FMN2: variants seen among roughly 807,000 people sequenced by gnomAD.
The protein encoded by FMN2 is formin-2.
In FMN2, 51 loss-of-function variants were observed where a neutral mutation model predicts 142.3. The observed-to-expected ratio is 0.36, with a 90% confidence interval of 0.29 to 0.45. The LOEUF (loss-of-function observed/expected upper bound fraction) is 0.45. Among genes scored for constraint, FMN2 ranks in the 20% least tolerant of loss-of-function variants. The probability of loss-of-function intolerance (pLI) is 1.00; values close to 1 mark genes in which losing one functional copy is unlikely to be tolerated. For missense variants in FMN2, 1,936 were observed against 2,122.8 expected, an observed-to-expected ratio of 0.91 and a Z score of 1.73; for synonymous variants, 882 against 869.8, an observed-to-expected ratio of 1.01 and a Z score of -0.25.
At chr1:240,290,305 C>T (rs1669735594) in intron 7 of FMN2, among the ~76,000 whole-genome samples, 2 of 152,092 alleles carry the variant, frequency 1.3e-5, no homozygotes, top group Admixed American at 6.6e-5. Context: ...CATGCTTTAA[C>T]AACAATGACA....
At chr1:240,424,353 C>T (rs1404511242) in intron 15 of FMN2, among the ~76,000 whole-genome samples, 3 of 152,120 alleles carry the variant, frequency 2.0e-5, no homozygotes, top group Non-Finnish European at 4.4e-5. Flanking sequence ...GAGATAGACT[C>T]TATAGATAAG....
chr1:240,442,157 C>G (rs1675643132), intron 16 of FMN2, among the ~76,000 whole-genome samples: 1 of 152,120 alleles, frequency 6.6e-6, no homozygotes, highest in East Asian at 1.9e-4. Context: ...CCTCTTCTTT[C>G]TCTCACCCTT....
chr1:240,471,024 TA>T (rs1676788783), intron 16 of FMN2, among the ~76,000 whole-genome samples: 1 of 152,208 alleles, frequency 6.6e-6, no homozygotes, highest in South Asian at 2.1e-4. Flanking sequence ...TGTGAGGGAA[TA>T]GGGAGGTTCA....
At chr1:240,148,387 C>G (rs542915888) in intron 2 of FMN2, among the ~76,000 whole-genome samples, 2 of 139,120 alleles carry the variant, frequency 1.4e-5, no homozygotes, top group Non-Finnish European at 3.1e-5. Flanking sequence ...GAGAGAAAGA[C>G]AGAGAGAAAG....
At chr1:240,241,827 T>TC in intron 6 of FMN2, among the ~76,000 whole-genome samples, 2 of 28,378 alleles carry the variant, frequency 7.0e-5, no homozygotes, top group Non-Finnish European at 1.5e-4. Context: ...GTGCCTTGCT[T>TC]TTTTTTTTTT....
intron 13 of FMN2, among the ~76,000 whole-genome samples, chr1:240,350,699 A>C (rs1017723836): frequency 6.6e-6 from 1 of 152,188 alleles, no homozygotes; most frequent in Non-Finnish European, 1.5e-5. Flanking sequence ...CAGTGCTTTG[A>C]TTCTATCCTA....
At chr1:240,336,582 A>AAAAAAAAAAAAAAAAAAAAAAAAG (rs144682452) in intron 13 of FMN2, among the ~76,000 whole-genome samples, 1 of 101,888 alleles carries the variant, frequency 9.8e-6, no homozygotes, top group Non-Finnish European at 2.0e-5. Flanking sequence ...AAAAAAAAAA[A>AAAAAAAAAAAAAAAAAAAAAAAAG]GGTGGTTGCA....
intron 2 of FMN2, among the ~76,000 whole-genome samples, chr1:240,150,100 G>A (rs893378180): frequency 1.3e-5 from 2 of 150,510 alleles, no homozygotes; most frequent in African/African-American, 4.8e-5. Flanking sequence ...AGATAAAACA[G>A]ATTTTTAATT....
At chr1:240,104,031 C>T (rs1049519544) in intron 1 of FMN2, among the ~76,000 whole-genome samples, 2 of 151,596 alleles carry the variant, frequency 1.3e-5, no homozygotes, top group Non-Finnish European at 2.9e-5. Context: ...CGCCCGCCAC[C>T]TCGCCTGGCT....
intron 2 of FMN2, among the ~76,000 whole-genome samples, chr1:240,127,618 T>C (rs1002896767): frequency 4.0e-5 from 6 of 151,660 alleles, no homozygotes; most frequent in African/African-American, 1.2e-4. Context: ...GCTGGAACTA[T>C]AGGCATGAGC....
intron 8 of FMN2, among the ~76,000 whole-genome samples, chr1:240,296,281 TA>T (rs1424125476): frequency 6.6e-6 from 1 of 151,334 alleles, no homozygotes; most frequent in African/African-American, 2.4e-5. Context: ...TAGTCAGTGC[TA>T]TTGGGAAGTG....
At chr1:240,374,278 A>G (rs1339983599) in intron 14 of FMN2, among the ~76,000 whole-genome samples, 1 of 152,166 alleles carries the variant, frequency 6.6e-6, no homozygotes, top group East Asian at 1.9e-4. Flanking sequence ...ATCAATCAGC[A>G]CTCACTTCAA....
chr1:240,300,819 G>A (rs1037417146), intron 8 of FMN2, among the ~76,000 whole-genome samples: 1 of 150,638 alleles, frequency 6.6e-6, no homozygotes, highest in Admixed American at 6.6e-5. Context: ...CTTCAGTTTA[G>A]TAATACTCTT....
At chr1:240,368,311 T>TGGGTAGAACTGACATCTTTATGATATCAA (rs1324046336) in intron 14 of FMN2, among the ~76,000 whole-genome samples, 4 of 152,210 alleles carry the variant, frequency 2.6e-5, no homozygotes, top group Non-Finnish European at 4.4e-5. Context: ...TAGATCAGAC[T>TGGGTAGAACTGACATCTTTATGATATCAA]GGGTAGAACT....
At chr1:240,196,073 G>T (rs1665899210) in intron 4 of FMN2, among the ~76,000 whole-genome samples, 1 of 152,236 alleles carries the variant, frequency 6.6e-6, no homozygotes, top group Non-Finnish European at 1.5e-5. Flanking sequence ...GGCAGAGTGA[G>T]TGATGGAGTC....
chr1:240,192,999 TTGAGA>T (rs1175490052), intron 4 of FMN2, among the ~76,000 whole-genome samples: 15 of 152,292 alleles, frequency 9.8e-5, no homozygotes, highest in South Asian at 4.1e-4. Flanking sequence ...CAGTTAGAAC[TTGAGA>T]TGAGAATGTG....
intron 15 of FMN2, among the ~76,000 whole-genome samples, chr1:240,408,689 C>T (rs984064558): frequency 6.6e-6 from 1 of 151,934 alleles, no homozygotes; most frequent in Non-Finnish European, 1.5e-5. Flanking sequence ...ATTAAAATAA[C>T]CATAAAATTA....
At chr1:240,414,205 C>T (rs1156672247) in intron 15 of FMN2, among the ~76,000 whole-genome samples, 2 of 152,126 alleles carry the variant, frequency 1.3e-5, no homozygotes, top group South Asian at 2.1e-4. Flanking sequence ...AAGGTTGGAT[C>T]GTCTGTGCCT....
chr1:240,446,239 G>A (rs1167494875), intron 16 of FMN2, among the ~76,000 whole-genome samples: 1 of 152,196 alleles, frequency 6.6e-6, no homozygotes, highest in Non-Finnish European at 1.5e-5. Flanking sequence ...TCCAAGAGGT[G>A]TTTTTAAAAC....
Sources: gnomAD v4.1 joint callset for allele counts (sites outside exome capture counted in the v4.1 genomes callset) on GRCh38, gnomAD v4.1.1 for gene constraint, MANE v1.5 for transcripts, NCBI Gene and HGNC (gene_info 2026-07-23, HGNC 2026-07-21) for gene names.